TSPAN9: variants seen among roughly 807,000 people sequenced by gnomAD.
TSPAN9 encodes tetraspanin 9.
TSPAN9 carries 16 observed loss-of-function variants against 31.0 expected under a neutral mutation model. That is an observed-to-expected ratio of 0.52 (90% confidence interval 0.35 to 0.78). TSPAN9 has a LOEUF of 0.78. Ranked by LOEUF, TSPAN9 falls within the 30% of genes least tolerant of loss-of-function variation. The pLI, the probability that TSPAN9 is intolerant of heterozygous loss-of-function variation, is 0.01. For missense variants in TSPAN9, 272 were observed against 312.5 expected (o/e 0.87, Z 0.98); for synonymous variants, 145 against 121.6 (o/e 1.19, Z -1.27).
In TSPAN9 at chr12:3,143,852, A is replaced by G. The variant is rs2098335947; in HGVS notation, c.-17-57325A>G. 6.6e-6 allele frequency among the ~76,000 whole-genome samples: 1 copy of G among 152,148 alleles called. No homozygotes were observed. The highest frequency in any genetic ancestry group is 2.4e-5 in the African/African-American group (1 of 41,420). Reference sequence around the variant, plus strand: ...TTTCTCCTGCCCCAGGCCTGAATCAATCACTTCTCTAAGGAGCTCTGCTTC... The same window carrying G: ...TTTCTCCTGCCCCAGGCCTGAATCAGTCACTTCTCTAAGGAGCTCTGCTTC... On this transcript the variant is annotated intron_variant, in intron 2 of 8. Coordinates refer to ENST00000011898, the MANE Select transcript of TSPAN9 (RefSeq NM_006675.5). This position sits in a 1 kb window ranked among gnomAD's most constrained non-coding sequence, Gnocchi z 4.2.
At position 3,226,794 on chromosome 12, in the gene TSPAN9, A is replaced by G. The variant is rs55688006; in HGVS notation, c.63+25538A>G. 1.6e-3 allele frequency among the ~76,000 whole-genome samples: 26 copies of G among 16,406 alleles called. 3 individuals carry two copies. The highest frequency in any genetic ancestry group is 6.1e-3 in the African/African-American group (25 of 4,076). 10.8% of individuals were successfully genotyped at this position (16,406 alleles called of 152,430 possible). On this transcript the variant is annotated intron_variant, in intron 3 of 8. Transcript: ENST00000011898. Reference sequence around the variant, plus strand: ...TATATATATATATATATATATATATATTTTTTTTTTTTTTTCCCTCTTCGA... The same window carrying G: ...TATATATATATATATATATATATATGTTTTTTTTTTTTTTTCCCTCTTCGA...
chr12:3,089,818 G>T (rs2153963035), intron 2 of TSPAN9, among the ~76,000 whole-genome samples: 1 of 152,062 alleles, frequency 6.6e-6, no homozygotes, highest in Non-Finnish European at 1.5e-5. Context: ...AGGTGGGAGG[G>T]TTGCCTGATC....
intron 3 of TSPAN9, among the ~76,000 whole-genome samples, chr12:3,252,791 C>G (rs1862270621): frequency 6.6e-6 from 1 of 152,216 alleles, no homozygotes; most frequent in Non-Finnish European, 1.5e-5. Flanking sequence ...AAGCTGAGGA[C>G]CCTTCCTTTG....
intron 3 of TSPAN9, among the ~76,000 whole-genome samples, chr12:3,209,150 G>A (rs1445529382): frequency 2.0e-5 from 3 of 151,442 alleles, no homozygotes; most frequent in Non-Finnish European, 4.4e-5. Flanking sequence ...CAGGAGAATC[G>A]CTTGAACCCG....
intron 2 of TSPAN9, among the ~76,000 whole-genome samples, chr12:3,150,667 ACT>A (rs1397871530): frequency 6.6e-6 from 1 of 151,832 alleles, no homozygotes; most frequent in African/African-American, 2.4e-5. Flanking sequence ...GGGGCCTCAG[ACT>A]CTCTGAGCCC....
intron 3 of TSPAN9, among the ~76,000 whole-genome samples, chr12:3,217,324 C>T (rs949641909): frequency 3.7e-4 from 57 of 152,280 alleles, no homozygotes; most frequent in Admixed American, 2.0e-3. Flanking sequence ...TTGCACTCTA[C>T]GTGACCGGCA....
At chr12:3,161,563 A>T (rs2098345235) in intron 2 of TSPAN9, among the ~76,000 whole-genome samples, 1 of 152,170 alleles carries the variant, frequency 6.6e-6, no homozygotes, top group African/African-American at 2.4e-5. Flanking sequence ...TAGGTGGAGC[A>T]CCTAGCGTGG....
At chr12:3,092,479 A>G (rs1378595772) in intron 2 of TSPAN9, among the ~76,000 whole-genome samples, 1 of 152,106 alleles carries the variant, frequency 6.6e-6, no homozygotes, top group Non-Finnish European at 1.5e-5. Context: ...GTTCCCTCAT[A>G]GTTCCCGAGG....
At position 3,192,437 on chromosome 12, in the gene TSPAN9, C is replaced by T. The variant is rs1054223361; in HGVS notation, c.-17-8740C>T. Among the ~76,000 whole-genome samples the T allele has an allele frequency of 5.9e-5, 9 of 152,040 alleles. No individual in the cohort carries two copies. The highest frequency in any genetic ancestry group is 1.7e-4 in the African/African-American group (7 of 41,376). On this transcript the variant is annotated intron_variant, in intron 2 of 8. Transcript: ENST00000011898. This position sits in a 1 kb window ranked among gnomAD's most constrained non-coding sequence, Gnocchi z 4.6. ...GGATGCCAGGTGCAGGGAGGCTCTGCGGCTTGGACTTGTGTTTGCTTCGAG... is the reference window on the plus strand; with the variant it reads ...GGATGCCAGGTGCAGGGAGGCTCTGTGGCTTGGACTTGTGTTTGCTTCGAG...
intron 1 of TSPAN9, among the ~76,000 whole-genome samples, chr12:3,080,916 C>T (rs546819465): frequency 6.6e-6 from 1 of 152,146 alleles, no homozygotes; most frequent in South Asian, 2.1e-4. Context: ...AGGTGGGAAG[C>T]CCTTGAACCT....
chr12:3,188,466 G>GGGTGGCAGAGGAAGGGA (rs1238165001), intron 2 of TSPAN9, among the ~76,000 whole-genome samples: 1 of 152,140 alleles, frequency 6.6e-6, no homozygotes, highest in Non-Finnish European at 1.5e-5. Context: ...ACCCGGGCCT[G>GGGTGGCAGAGGAAGGGA]GGTGGCAGAG....
chr12:3,132,974 G>C (rs1222504142), intron 2 of TSPAN9, among the ~76,000 whole-genome samples: 1 of 152,156 alleles, frequency 6.6e-6, no homozygotes, highest in African/African-American at 2.4e-5. Context: ...CTCGAGAGGC[G>C]TTGTAAGAGC....
At chr12:3,146,408 T>C (rs1223777145) in intron 2 of TSPAN9, among the ~76,000 whole-genome samples, 3 of 152,200 alleles carry the variant, frequency 2.0e-5, no homozygotes, top group African/African-American at 7.2e-5. Flanking sequence ...TTGGTTTTCA[T>C]TCTGCCCACC....
chr12:3,238,451 T>C (rs1196416875), intron 3 of TSPAN9, among the ~76,000 whole-genome samples: 1 of 152,250 alleles, frequency 6.6e-6, no homozygotes. Context: ...CTTCCCACGA[T>C]GCCCTTCGTG....
chr12:3,209,981 AAAAAATT>A (rs1330840300), intron 3 of TSPAN9, among the ~76,000 whole-genome samples: 1 of 93,916 alleles, frequency 1.1e-5, no homozygotes, highest in Non-Finnish European at 2.5e-5. Flanking sequence ...AAAAAAAAAA[AAAAAATT>A]AGCCGGGTGT....
chr12:3,230,715 C>T (rs1305448297), intron 3 of TSPAN9, among the ~76,000 whole-genome samples: 1 of 152,134 alleles, frequency 6.6e-6, no homozygotes, highest in Admixed American at 6.5e-5. Flanking sequence ...GCCGGCCTGT[C>T]CCACCAGCTG....
chr12:3,145,660 C>G (rs2098336835), intron 2 of TSPAN9, among the ~76,000 whole-genome samples: 1 of 151,676 alleles, frequency 6.6e-6, no homozygotes. Flanking sequence ...CAGCAGTCCT[C>G]TCTGCCAGGA....
chr12:3,275,365 G>A (rs890547424), intron 3 of TSPAN9, among the ~76,000 whole-genome samples: 2 of 152,184 alleles, frequency 1.3e-5, no homozygotes, highest in Non-Finnish European at 2.9e-5. Context: ...CAGCTGCAGC[G>A]TGTGGGGGCG....
At chr12:3,199,772 C>T (rs1034326447) in intron 2 of TSPAN9, among the ~76,000 whole-genome samples, 16 of 152,234 alleles carry the variant, frequency 1.1e-4, no homozygotes, top group Non-Finnish European at 2.1e-4. Flanking sequence ...GCGCACCCCG[C>T]AGAGGCCCCC....
Sources: allele counts gnomAD v4.1 joint callset (sites outside exome capture counted in the v4.1 genomes callset), GRCh38; gene constraint gnomAD v4.1.1; non-coding constraint Gnocchi (gnomAD v3.1); transcripts MANE v1.5; gene names NCBI Gene and HGNC (gene_info 2026-07-23, HGNC 2026-07-21).